GALNT13: variants seen among roughly 807,000 people sequenced by gnomAD.
GALNT13 encodes polypeptide N-acetylgalactosaminyltransferase 13.
GALNT13 carries 28 observed loss-of-function variants against 64.2 expected under a neutral mutation model. The observed-to-expected ratio is 0.44, with a 90% CI of 0.32 to 0.60. The LOEUF is 0.60. Among genes scored for constraint, GALNT13 ranks in the 20% least tolerant of loss-of-function variants. The probability of loss-of-function intolerance (pLI) is 0.05; values close to 1 mark genes in which losing one functional copy is unlikely to be tolerated. For missense variants in GALNT13, 577 were observed against 669.8 expected, an observed-to-expected ratio of 0.86 and a Z score of 1.53; for synonymous variants, 214 against 224.6, an observed-to-expected ratio of 0.95 and a Z score of 0.42.
the GALNT13 span, among the ~76,000 whole-genome samples, chr2:153,278,557 T>G: frequency 0.083 from 12,628 of 152,116 alleles, 597 homozygotes; most frequent in South Asian, 0.13. Context: ...TCATCCAGTT[T>G]TATTCTTCTG....
the GALNT13 span, among the ~76,000 whole-genome samples, chr2:153,439,096 G>C: frequency 6.6e-6 from 1 of 152,164 alleles, no homozygotes; most frequent in Non-Finnish European, 1.5e-5. Context: ...TCCAGACCCT[G>C]TTTGCCTGGG....
chr2:153,784,243 G>C, the GALNT13 span, among the ~76,000 whole-genome samples: 1 of 152,178 alleles, frequency 6.6e-6, no homozygotes, highest in African/African-American at 2.4e-5. Flanking sequence ...TCCAGGCTGA[G>C]GTGGTCTCAT....
the GALNT13 span, among the ~76,000 whole-genome samples, chr2:153,792,852 A>C: frequency 6.6e-6 from 1 of 152,152 alleles, no homozygotes; most frequent in Non-Finnish European, 1.5e-5. Context: ...TCGTATTACA[A>C]ATTTGGGAAG....
the GALNT13 span, among the ~76,000 whole-genome samples, chr2:153,812,309 A>G: frequency 2.3e-4 from 35 of 152,168 alleles, no homozygotes; most frequent in African/African-American, 8.2e-4. Flanking sequence ...ACACAAATCT[A>G]TATGATGCAA....
the GALNT13 span, among the ~76,000 whole-genome samples, chr2:153,671,601 C>A: frequency 6.6e-6 from 1 of 152,136 alleles, no homozygotes; most frequent in Non-Finnish European, 1.5e-5. Flanking sequence ...AAAAACATGC[C>A]AAATTGTAAA....
the GALNT13 span, among the ~76,000 whole-genome samples, chr2:153,743,037 G>C: frequency 1.1e-5 from 1 of 88,676 alleles, no homozygotes; most frequent in Non-Finnish European, 2.3e-5. Context: ...GGGGAGGGGA[G>C]GGGAAATGAG....
intron 3 of GALNT13, among the ~76,000 whole-genome samples, chr2:154,015,373 C>A (rs967056174): frequency 4.6e-5 from 7 of 152,134 alleles, no homozygotes; most frequent in Admixed American, 1.3e-4. Context: ...AGCATGACAT[C>A]ATTGTTGAAC....
chr2:154,033,927 G>T (rs10931881), intron 3 of GALNT13, among the ~76,000 whole-genome samples: 4 of 151,952 alleles, frequency 2.6e-5, no homozygotes, highest in African/African-American at 9.7e-5. Context: ...CGACAGAGCA[G>T]GACTCCATCT....
chr2:153,772,694 G>A, the GALNT13 span, among the ~76,000 whole-genome samples: 1 of 152,198 alleles, frequency 6.6e-6, no homozygotes, highest in Non-Finnish European at 1.5e-5. Flanking sequence ...TGGAGCTGTT[G>A]TGATCTCCTG....
chr2:154,362,741 A>G (rs987963091), intron 9 of GALNT13, among the ~76,000 whole-genome samples: 16 of 152,324 alleles, frequency 1.1e-4, no homozygotes, highest in Non-Finnish European at 1.8e-4. Flanking sequence ...ATACTAAGCA[A>G]TGCATGAATC....
chr2:153,901,583 G>T (rs1688238967), intron 2 of GALNT13, among the ~76,000 whole-genome samples: 1 of 152,028 alleles, frequency 6.6e-6, no homozygotes, highest in Admixed American at 6.6e-5. Context: ...GAGTGGGATT[G>T]TGTTCTCGTT....
intron 3 of GALNT13, among the ~76,000 whole-genome samples, chr2:153,982,449 C>T (rs545700664): frequency 1.3e-5 from 2 of 152,120 alleles, no homozygotes; most frequent in East Asian, 3.9e-4. Flanking sequence ...GAGTAAGTTG[C>T]TGAAAACTGC....
the GALNT13 span, among the ~76,000 whole-genome samples, chr2:153,615,072 T>A: frequency 6.6e-6 from 1 of 152,058 alleles, no homozygotes; most frequent in Non-Finnish European, 1.5e-5. Context: ...ACCCTCTATC[T>A]CCATGAGTTC....
intron 9 of GALNT13, among the ~76,000 whole-genome samples, chr2:154,335,961 G>C (rs1298771041): frequency 2.0e-5 from 3 of 151,666 alleles, no homozygotes; most frequent in African/African-American, 7.3e-5. Flanking sequence ...TTACACCTTA[G>C]GTATTTACTT....
intron 4 of GALNT13, among the ~76,000 whole-genome samples, chr2:154,227,807 C>T (rs1298054624): frequency 2.0e-5 from 3 of 152,002 alleles, no homozygotes; most frequent in Non-Finnish European, 4.4e-5. Flanking sequence ...ACCAGTGGCG[C>T]TTGTGGCTGT....
chr2:154,007,188 T>A (rs1226654650), intron 3 of GALNT13, among the ~76,000 whole-genome samples: 1 of 152,236 alleles, frequency 6.6e-6, no homozygotes, highest in Non-Finnish European at 1.5e-5. Context: ...GGCGAGGCAC[T>A]GTGAGTGGCC....
At chr2:153,511,584 T>G in the GALNT13 span, among the ~76,000 whole-genome samples, 10 of 152,042 alleles carry the variant, frequency 6.6e-5, no homozygotes, top group East Asian at 1.7e-3. Flanking sequence ...CCACAGGAGG[T>G]TAGTGTTCAT....
At chr2:153,426,654 T>G in the GALNT13 span, among the ~76,000 whole-genome samples, 1 of 152,064 alleles carries the variant, frequency 6.6e-6, no homozygotes, top group African/African-American at 2.4e-5. Context: ...AAAACCCAAA[T>G]CTGGTGTACA....
At chr2:153,860,389 C>T in the GALNT13 span, among the ~76,000 whole-genome samples, 24 of 152,212 alleles carry the variant, frequency 1.6e-4, no homozygotes, top group Admixed American at 8.5e-4. Context: ...TCAGAACAAT[C>T]GAGGGATAGA....
Sources: gnomAD v4.1 joint callset for allele counts (sites outside exome capture counted in the v4.1 genomes callset) on GRCh38, gnomAD v4.1.1 for gene constraint, MANE v1.5 for transcripts, NCBI Gene and HGNC (gene_info 2026-07-23, HGNC 2026-07-21) for gene names.